DCC: variants seen among roughly 807,000 people sequenced by gnomAD.
The protein encoded by DCC is netrin receptor DCC.
In DCC, 58 loss-of-function variants were observed where a neutral mutation model predicts 172.5. The observed-to-expected ratio is 0.34, with a 90% CI of 0.27 to 0.42. The LOEUF (loss-of-function observed/expected upper bound fraction) is 0.42. Ranked by LOEUF, DCC falls within the 10% of genes least tolerant of loss-of-function variation. The pLI is 1.00. For synonymous variants in DCC, 709 were observed against 644.5 expected, an observed-to-expected ratio of 1.10 and a Z score of -1.52; for missense variants, 1,740 against 1,791.0, an observed-to-expected ratio of 0.97 and a Z score of 0.51.
At chr18:52,358,771 C>T (rs1274409480) in intron 1 of DCC, among the ~76,000 whole-genome samples, 2 of 152,306 alleles carry the variant, frequency 1.3e-5, no homozygotes, top group East Asian at 3.9e-4. Context: ...CTTCACATGT[C>T]TGGAAGTCTG....
At chr18:53,430,006 C>A (rs925464161) in intron 21 of DCC, among the ~76,000 whole-genome samples, 1 of 151,990 alleles carries the variant, frequency 6.6e-6, no homozygotes, top group Non-Finnish European at 1.5e-5. Flanking sequence ...CCTGGTAAAC[C>A]GATCTTTTAG....
chr18:52,827,110 G>A (rs191460399), intron 2 of DCC, among the ~76,000 whole-genome samples: 124 of 152,230 alleles, frequency 8.1e-4, no homozygotes, highest in African/African-American at 2.9e-3. Flanking sequence ...GACTTTATAC[G>A]TGAATGATCA....
intron 2 of DCC, among the ~76,000 whole-genome samples, chr18:52,898,506 G>A (rs988838291): frequency 1.3e-5 from 2 of 152,100 alleles, no homozygotes; most frequent in African/African-American, 2.4e-5. Context: ...AGTACATGTC[G>A]AAAATATTCA....
intron 27 of DCC, 129 bp from the exon 28 acceptor site, chr18:53,526,488 A>G (rs2046456760): frequency 4.0e-6 from 4 of 998,304 alleles, no homozygotes; most frequent in African/African-American, 1.6e-5. Context: ...GTCAGAATTC[A>G]TCTTTACACT....
At chr18:53,372,021 A>G (rs1412622184) in intron 15 of DCC, among the ~76,000 whole-genome samples, 1 of 152,152 alleles carries the variant, frequency 6.6e-6, no homozygotes, top group African/African-American at 2.4e-5. Context: ...GTGAAAGTGT[A>G]AATTAGTTCA....
chr18:52,779,348 C>G (rs968718360), intron 2 of DCC, among the ~76,000 whole-genome samples: 1 of 152,064 alleles, frequency 6.6e-6, no homozygotes, highest in East Asian at 1.9e-4. Context: ...CGTTCCCCTC[C>G]CTGTGTCCAT....
At chr18:52,755,752 CA>C (rs2037067416) in intron 2 of DCC, among the ~76,000 whole-genome samples, 1 of 152,118 alleles carries the variant, frequency 6.6e-6, no homozygotes, top group South Asian at 2.1e-4. Flanking sequence ...TTTGTACTCT[CA>C]GGTGCTGTAT....
At chr18:52,678,167 G>C (rs996617229) in intron 1 of DCC, among the ~76,000 whole-genome samples, 1 of 152,022 alleles carries the variant, frequency 6.6e-6, no homozygotes, top group African/African-American at 2.4e-5. Context: ...CTCCCTCTCA[G>C]AGCCCTCAAA....
At chr18:52,983,347 G>A (rs2041240491) in intron 5 of DCC, among the ~76,000 whole-genome samples, 1 of 152,146 alleles carries the variant, frequency 6.6e-6, no homozygotes, top group Admixed American at 6.6e-5. Context: ...AGACCAACAT[G>A]CTAATATAAA....
At chr18:52,956,102 A>AT (rs1212546589) in intron 5 of DCC, among the ~76,000 whole-genome samples, 1 of 151,642 alleles carries the variant, frequency 6.6e-6, no homozygotes, top group Admixed American at 6.6e-5. Context: ...TCTTTCATGG[A>AT]TTTTGCCTTT....
At chr18:53,196,896 C>G (rs2055450966) in intron 9 of DCC, among the ~76,000 whole-genome samples, 1 of 152,052 alleles carries the variant, frequency 6.6e-6, no homozygotes, top group South Asian at 2.1e-4. Flanking sequence ...GTGCTTCTTC[C>G]TAGCCAAATT....
At chr18:52,616,353 G>A (rs963800750) in intron 1 of DCC, among the ~76,000 whole-genome samples, 1 of 152,074 alleles carries the variant, frequency 6.6e-6, no homozygotes, top group African/African-American at 2.4e-5. Context: ...ATACCTGAAA[G>A]TGAATCATAG....
chr18:52,400,799 T>C (rs954158009), intron 1 of DCC, among the ~76,000 whole-genome samples: 1 of 151,980 alleles, frequency 6.6e-6, no homozygotes, highest in African/African-American at 2.4e-5. Context: ...TGCAGGGACA[T>C]GGATGAAGCT....
chr18:53,178,503 A>G (rs951962950), intron 8 of DCC, among the ~76,000 whole-genome samples: 2 of 152,186 alleles, frequency 1.3e-5, no homozygotes, highest in African/African-American at 4.8e-5. Flanking sequence ...TTCCTTTCAT[A>G]CAATGAGAGA....
chr18:52,378,294 A>G (rs1882660283), intron 1 of DCC, among the ~76,000 whole-genome samples: 1 of 150,588 alleles, frequency 6.6e-6, no homozygotes, highest in Non-Finnish European at 1.5e-5. Context: ...TCTAACTAAT[A>G]GAGATGATCT....
chr18:52,661,980 G>T (rs930633086), intron 1 of DCC, among the ~76,000 whole-genome samples: 1 of 152,198 alleles, frequency 6.6e-6, no homozygotes, highest in Non-Finnish European at 1.5e-5. Flanking sequence ...AAAAAACACA[G>T]TAGAATGATT....
chr18:52,694,087 G>A (rs201612987), intron 1 of DCC, among the ~76,000 whole-genome samples: 1 of 152,150 alleles, frequency 6.6e-6, no homozygotes, highest in East Asian at 1.9e-4. Context: ...TTAATAGCAT[G>A]TCCCCCAGTA....
chr18:53,219,997 T>C (rs762342966), intron 12 of DCC, among the ~76,000 whole-genome samples: 1 of 151,866 alleles, frequency 6.6e-6, no homozygotes, highest in African/African-American at 2.4e-5. Context: ...TGGATTTTGA[T>C]GGAAGTCTCT....
At chr18:53,359,450 AAT>A (rs2057920166) in intron 15 of DCC, among the ~76,000 whole-genome samples, 1 of 152,118 alleles carries the variant, frequency 6.6e-6, no homozygotes, top group South Asian at 2.1e-4. Flanking sequence ...ATGAGAAAAA[AAT>A]ATTCTCCACT....
Sources: allele counts gnomAD v4.1 joint callset (sites outside exome capture counted in the v4.1 genomes callset), GRCh38; gene constraint gnomAD v4.1.1; transcripts MANE v1.5; gene names NCBI Gene and HGNC (gene_info 2026-07-23, HGNC 2026-07-21).